Variants in SAMD4A observed in about 807,000 individuals in gnomAD.
SAMD4A encodes sterile alpha motif domain containing 4A, also known as protein Smaug homolog 1.
A neutral mutation model predicts 81.3 loss-of-function variants in SAMD4A; 33 were observed. The observed-to-expected ratio is 0.41, with a 90% CI of 0.31 to 0.54. The LOEUF is 0.54. Among genes scored for constraint, SAMD4A ranks in the 20% least tolerant of loss-of-function variants. The pLI, the probability that SAMD4A is intolerant of heterozygous loss-of-function variation, is 0.37. For synonymous variants in SAMD4A, 389 were observed against 382.1 expected (o/e 1.02, Z -0.21); for missense variants, 854 against 951.1 (o/e 0.90, Z 1.34).
intron 2 of SAMD4A, among the ~76,000 whole-genome samples, chr14:54,610,255 A>C (rs2034318704): frequency 6.6e-6 from 1 of 152,220 alleles, no homozygotes; most frequent in African/African-American, 2.4e-5. Flanking sequence ...AAATGCGACC[A>C]AGTCAGCATT....
At chr14:54,572,314 C>T (rs1383135785) in intron 2 of SAMD4A, among the ~76,000 whole-genome samples, 1 of 152,124 alleles carries the variant, frequency 6.6e-6, no homozygotes. Flanking sequence ...GGAGGAGATA[C>T]ATTTGAGCTG....
chr14:54,681,333 A>G (rs2036123168), intron 2 of SAMD4A, among the ~76,000 whole-genome samples: 1 of 152,212 alleles, frequency 6.6e-6, no homozygotes, highest in South Asian at 2.1e-4. Flanking sequence ...CAGATGATAG[A>G]TACTAATCAG....
At chr14:54,771,838 A>G (rs561258542) in intron 9 of SAMD4A, among the ~76,000 whole-genome samples, 2 of 152,308 alleles carry the variant, frequency 1.3e-5, no homozygotes, top group African/African-American at 4.8e-5. Context: ...GGCCTCTGTC[A>G]GCCCTGTGTT....
At chr14:54,602,653 G>T (rs1373223349) in intron 2 of SAMD4A, among the ~76,000 whole-genome samples, 1 of 151,790 alleles carries the variant, frequency 6.6e-6, no homozygotes, top group Non-Finnish European at 1.5e-5. Flanking sequence ...GTTGTGGGGT[G>T]GGGGGAGTGG....
intron 2 of SAMD4A, among the ~76,000 whole-genome samples, chr14:54,667,179 A>C (rs2035775618): frequency 6.6e-6 from 1 of 152,288 alleles, no homozygotes; most frequent in Non-Finnish European, 1.5e-5. Context: ...TTGAGGGGAA[A>C]ACAGCCCTAA....
At position 54,733,119 on chromosome 14, in the gene SAMD4A, G is replaced by A. The variant is rs191999339; in HGVS notation, c.716-3905G>A. ...TAGATGAGGTCAGAAGAGTTGACTGGTCCTGATAGTATGACCAAGTTTAAA... is the reference window on the plus strand; with the variant it reads ...TAGATGAGGTCAGAAGAGTTGACTGATCCTGATAGTATGACCAAGTTTAAA... On this transcript the variant is annotated intron_variant, in intron 3 of 12. Coordinates refer to ENST00000554335, the MANE Select transcript of SAMD4A (RefSeq NM_015589.6). 4.6e-5 allele frequency among the ~76,000 whole-genome samples: 7 copies of A among 152,260 alleles called. No homozygotes were observed. In the East Asian group the frequency reaches 1.4e-3, roughly 29 times the overall value.
At chr14:54,755,352 G>T (rs1035978542) in intron 6 of SAMD4A, among the ~76,000 whole-genome samples, 7 of 152,160 alleles carry the variant, frequency 4.6e-5, no homozygotes, top group Admixed American at 1.3e-4. Context: ...GGAAGAGCAG[G>T]TCTAGAGTCC....
chr14:54,743,846 CAG>C (rs1223691104), intron 4 of SAMD4A, among the ~76,000 whole-genome samples: 1 of 152,234 alleles, frequency 6.6e-6, no homozygotes, highest in Non-Finnish European at 1.5e-5. Flanking sequence ...AAGGCTGGAA[CAG>C]AGTTGGGCTG....
At chr14:54,641,881 TC>T (rs1003660677) in intron 2 of SAMD4A, among the ~76,000 whole-genome samples, 1 of 152,122 alleles carries the variant, frequency 6.6e-6, no homozygotes, top group Non-Finnish European at 1.5e-5. Context: ...CACTGCAACC[TC>T]CTCCTCCTGG....
rs143977678 is a variant in SAMD4A at position 54,788,610 on chromosome 14, CA to C, written c.2129-305del. ...TGCTCTCTTGGTACCTACTCCATTACAGCAGTGATCACATATAGCATTATTG... is the reference window on the plus strand; with the variant it reads ...TGCTCTCTTGGTACCTACTCCATTACGCAGTGATCACATATAGCATTATTG... On this transcript the variant is annotated intron_variant, in intron 12 of 12. Transcript: ENST00000554335. Among the ~76,000 whole-genome samples, 545 of 152,358 alleles carry C rather than the reference CA, an allele frequency of 3.6e-3. 4 individuals carry two copies. The highest frequency in any genetic ancestry group is 0.013 in the African/African-American group (522 of 41,578).
intron 2 of SAMD4A, among the ~76,000 whole-genome samples, chr14:54,655,654 C>T (rs911738819): frequency 2.0e-5 from 3 of 152,120 alleles, no homozygotes; most frequent in Non-Finnish European, 4.4e-5. Context: ...AGGAGAATCC[C>T]TTGAATCTGG....
chr14:54,730,070 A>C (rs2037523034), intron 3 of SAMD4A, among the ~76,000 whole-genome samples: 1 of 152,230 alleles, frequency 6.6e-6, no homozygotes, highest in African/African-American at 2.4e-5. Flanking sequence ...TGCCAGAAGC[A>C]TTCTAATTTA....
rs141405846 is a variant in SAMD4A at position 54,752,835 on chromosome 14, G to C, written c.1176+1298G>C. ...AAAAGGAATGTAGTAGGAGGGCAGG[G>C]TGATGATAAGGAGAAAAACATGTGA... is the stretch of plus-strand genomic sequence containing the variant. On this transcript the variant is annotated intron_variant, in intron 6 of 12. Coordinates refer to ENST00000554335, the MANE Select transcript of SAMD4A (RefSeq NM_015589.6). Among the ~76,000 whole-genome samples the C allele has an allele frequency of 5.7e-3, 863 of 152,354 alleles. 7 individuals carry two copies. Among genetic ancestry groups the C allele is most frequent in the African/African-American group, 0.019 (806 of 41,572 alleles).
At chr14:54,615,430 G>A (rs2034466900) in intron 2 of SAMD4A, among the ~76,000 whole-genome samples, 1 of 152,182 alleles carries the variant, frequency 6.6e-6, no homozygotes, top group Admixed American at 6.5e-5. Flanking sequence ...TCAGAGCACA[G>A]GAGATGTATT....
chr14:54,674,993 TCGTCCCAC>T (rs1465485330), intron 2 of SAMD4A, among the ~76,000 whole-genome samples: 1 of 152,102 alleles, frequency 6.6e-6, no homozygotes, highest in African/African-American at 2.4e-5. Flanking sequence ...GTTCAAACGA[TCGTCCCAC>T]CTCAGTCTTC....
At chr14:54,750,956 A>G (rs2038087271) in intron 5 of SAMD4A, among the ~76,000 whole-genome samples, 1 of 152,232 alleles carries the variant, frequency 6.6e-6, no homozygotes, top group African/African-American at 2.4e-5. Context: ...ATATGTAGCC[A>G]GACGGAGTTA....
intron 2 of SAMD4A, among the ~76,000 whole-genome samples, chr14:54,690,782 CAGT>C (rs2036413264): frequency 6.6e-6 from 1 of 152,210 alleles, no homozygotes; most frequent in Non-Finnish European, 1.5e-5. Context: ...TCAAACAACA[CAGT>C]AGGCCAGTGC....
intron 2 of SAMD4A, among the ~76,000 whole-genome samples, chr14:54,570,237 G>A (rs983606926): frequency 2.0e-5 from 3 of 152,112 alleles, no homozygotes; most frequent in South Asian, 2.1e-4. Context: ...GTTTACTTTC[G>A]GAGTGTGGGG....
At position 54,567,815 on chromosome 14, in the gene SAMD4A, C is replaced by T; in HGVS notation, c.-102C>T. The T allele has an allele frequency of 1.6e-6, 2 of 1,278,504 alleles. No homozygotes were observed. Among genetic ancestry groups the T allele is most frequent in the Non-Finnish European group, 2.1e-6 (2 of 933,614 alleles). 79.2% of individuals were successfully genotyped at this position (1,278,504 alleles called of 1,614,324 possible). ...CACCAGAGCCACCTTGGAACAGGAA[C>T]GCGTCTCCGGCCGCGGGGCTGCGGC... On this transcript the variant is annotated 5_prime_UTR_variant, in exon 2 of 13. The change creates a new upstream start codon in the 5' untranslated region. Transcript: ENST00000554335.
Sources: allele counts gnomAD v4.1 joint callset (sites outside exome capture counted in the v4.1 genomes callset), GRCh38; gene constraint gnomAD v4.1.1; transcripts MANE v1.5; gene names NCBI Gene and HGNC (gene_info 2026-07-23, HGNC 2026-07-21).